Variants in TRAPPC9 observed in about 807,000 individuals in gnomAD.
The protein encoded by TRAPPC9 is trafficking protein particle complex subunit 9.
TRAPPC9 carries 83 observed loss-of-function variants against 124.0 expected under a neutral mutation model. That is an observed-to-expected ratio of 0.67 (90% CI 0.56 to 0.80). The LOEUF is 0.80. TRAPPC9 is among the 30% of genes least tolerant of loss of function. TRAPPC9 has a pLI of 0.00. For synonymous variants in TRAPPC9, 638 were observed against 617.5 expected (o/e 1.03, Z -0.49); for missense variants, 1,302 against 1,508.3 (o/e 0.86, Z 2.27).
At chr8:140,057,973 G>A (rs946083465) in intron 17 of TRAPPC9, among the ~76,000 whole-genome samples, 2 of 152,322 alleles carry the variant, frequency 1.3e-5, no homozygotes, top group Admixed American at 1.3e-4. Context: ...CACCACGCTG[G>A]GGGCAGCATC....
At chr8:139,773,907 A>T (rs978449346) in intron 21 of TRAPPC9, among the ~76,000 whole-genome samples, 2 of 152,252 alleles carry the variant, frequency 1.3e-5, no homozygotes, top group Non-Finnish European at 2.9e-5. Context: ...CACGGCACGC[A>T]TGTTCAGTGG....
intron 18 of TRAPPC9, among the ~76,000 whole-genome samples, chr8:139,998,150 A>G (rs1419685164): frequency 1.3e-5 from 2 of 152,290 alleles, no homozygotes; most frequent in East Asian, 3.8e-4. Flanking sequence ...GAGGGCAGAG[A>G]AAGTGAATCA....
intron 17 of TRAPPC9, among the ~76,000 whole-genome samples, chr8:140,045,584 G>A (rs1005195108): frequency 7.8e-6 from 1 of 127,828 alleles, no homozygotes; most frequent in Non-Finnish European, 1.6e-5. Flanking sequence ...CTGAGATCGC[G>A]CCACTGCACT....
chr8:140,397,824 G>T, intron 6 of TRAPPC9, 79 bp from the exon 7 acceptor site: 4 of 1,581,322 alleles, frequency 2.5e-6, no homozygotes, highest in Non-Finnish European at 3.4e-6. Context: ...GTGCTACTGG[G>T]ACTCAATAAC....
At chr8:140,321,309 C>T (rs1316013224) in intron 9 of TRAPPC9, among the ~76,000 whole-genome samples, 1 of 152,194 alleles carries the variant, frequency 6.6e-6, no homozygotes, top group African/African-American at 2.4e-5. Flanking sequence ...ACAGTGAACC[C>T]GGAGCTCAGC....
At chr8:140,065,578 T>G (rs1842860966) in intron 17 of TRAPPC9, among the ~76,000 whole-genome samples, 1 of 152,228 alleles carries the variant, frequency 6.6e-6, no homozygotes, top group African/African-American at 2.4e-5. Context: ...TTTCCCATTC[T>G]GAAAATTCGA....
chr8:140,075,589 T>C (rs1028736038), intron 17 of TRAPPC9, among the ~76,000 whole-genome samples: 1 of 152,248 alleles, frequency 6.6e-6, no homozygotes, highest in East Asian at 1.9e-4. Context: ...GTGTCATCAC[T>C]GCCACCACCA....
At chr8:140,220,508 A>C (rs567695223) in intron 17 of TRAPPC9, among the ~76,000 whole-genome samples, 1 of 152,292 alleles carries the variant, frequency 6.6e-6, no homozygotes, top group East Asian at 1.9e-4. Flanking sequence ...TGCAGAGCCC[A>C]AAAGGGGAGA....
intron 17 of TRAPPC9, among the ~76,000 whole-genome samples, chr8:140,028,282 T>TA (rs1238884704): frequency 6.6e-6 from 1 of 152,148 alleles, no homozygotes; most frequent in Non-Finnish European, 1.5e-5. Flanking sequence ...TTTCAATCCT[T>TA]ACTTTGACAG....
At chr8:140,378,893 T>C (rs1329176609) in intron 7 of TRAPPC9, among the ~76,000 whole-genome samples, 3 of 152,152 alleles carry the variant, frequency 2.0e-5, no homozygotes, top group African/African-American at 7.2e-5. Context: ...GGAAAAGGAT[T>C]TCCTTTTCCT....
At chr8:140,060,094 G>A (rs1337175967) in intron 17 of TRAPPC9, among the ~76,000 whole-genome samples, 2 of 152,162 alleles carry the variant, frequency 1.3e-5, no homozygotes, top group East Asian at 3.8e-4. Context: ...AAGAGTGTCA[G>A]GTCTCCTTTT....
At chr8:140,183,627 G>A (rs996223080) in intron 17 of TRAPPC9, among the ~76,000 whole-genome samples, 1 of 151,932 alleles carries the variant, frequency 6.6e-6, no homozygotes, top group African/African-American at 2.4e-5. Context: ...GGGAGGCCAA[G>A]GTGGGCAGAT....
chr8:139,909,935 C>T (rs1401890171), intron 20 of TRAPPC9, among the ~76,000 whole-genome samples: 1 of 152,228 alleles, frequency 6.6e-6, no homozygotes, highest in Non-Finnish European at 1.5e-5. Context: ...AAGACCTTTC[C>T]TCGCCCCCAA....
In TRAPPC9 at chr8:140,457,701, G is replaced by A. The variant is rs1326379279; in HGVS notation, c.-73C>T. ...ACCTGGCGGGCAGCGGGGCCGAGCA[G>A]CCTCTGCGGCCACTTCCCAGGCTCT... On this transcript the variant is annotated 5_prime_UTR_variant, in exon 1 of 23. Coordinates refer to ENST00000438773, the MANE Select transcript of TRAPPC9 (RefSeq NM_001160372.4). 1.5e-5 allele frequency: 15 copies of A among 987,942 alleles called. No individual in the cohort carries two copies. The highest frequency in any genetic ancestry group is 5.1e-4 in the Middle Eastern group (1 of 1,946). The allele number at this position is 987,942 out of a possible 1,614,324, so 61.2% of individuals were successfully genotyped here. A position where few individuals can be genotyped will look rare whatever the true frequency, so the allele number is the denominator to read the frequency against.
intron 6 of TRAPPC9, among the ~76,000 whole-genome samples, chr8:140,401,901 C>T (rs967215931): frequency 6.6e-6 from 1 of 151,032 alleles, no homozygotes; most frequent in African/African-American, 2.4e-5. Context: ...GCTGGAATTA[C>T]AGGCATGAGC....
chr8:140,172,086 G>A (rs2061978206), intron 17 of TRAPPC9, among the ~76,000 whole-genome samples: 1 of 152,182 alleles, frequency 6.6e-6, no homozygotes, highest in African/African-American at 2.4e-5. Flanking sequence ...TCCCACTCAA[G>A]TATGTGCCAA....
At chr8:140,381,599 C>T (rs1229061459) in intron 7 of TRAPPC9, among the ~76,000 whole-genome samples, 4 of 127,306 alleles carry the variant, frequency 3.1e-5, no homozygotes, top group Non-Finnish European at 6.2e-5. Flanking sequence ...ACCCAGGAGG[C>T]GGAGGCTGCA....
chr8:140,015,585 A>T (rs1405401378), intron 18 of TRAPPC9, among the ~76,000 whole-genome samples: 1 of 151,968 alleles, frequency 6.6e-6, no homozygotes, highest in Non-Finnish European at 1.5e-5. Flanking sequence ...GTCAGGAGTT[A>T]AGAGTCCAGC....
chr8:140,296,064 G>C (rs1284233563), intron 11 of TRAPPC9, among the ~76,000 whole-genome samples: 1 of 152,086 alleles, frequency 6.6e-6, no homozygotes, highest in Non-Finnish European at 1.5e-5. Flanking sequence ...TGGAGCCCGG[G>C]GAATGTCACT....
Sources: gnomAD v4.1 joint callset for allele counts (sites outside exome capture counted in the v4.1 genomes callset) on GRCh38, gnomAD v4.1.1 for gene constraint, MANE v1.5 for transcripts, NCBI Gene and HGNC (gene_info 2026-07-23, HGNC 2026-07-21) for gene names.